The following ZNF580 variants were observed in gnomAD, a reference collection of about 807,000 sequenced individuals.
The protein encoded by ZNF580 is zinc finger protein 580, also known as LDL-induced EC protein.
In ZNF580, 1 loss-of-function variant was observed where a neutral mutation model predicts 1.3. That is an observed-to-expected ratio of 0.77 (90% CI 0.27 to 3.65). The LOEUF (loss-of-function observed/expected upper bound fraction) is 3.65. Ranked by LOEUF, ZNF580 falls within the 30% of genes most tolerant of loss-of-function variation. ZNF580 has a pLI of 0.19. For synonymous variants in ZNF580, 135 were observed against 128.8 expected (o/e 1.05, Z -0.32); for missense variants, 268 against 272.3 (o/e 0.98, Z 0.11).
In ZNF580 at chr19:55,642,540, C is replaced by A; in HGVS notation, c.32C>A (p.Pro11His). The A allele has an allele frequency of 1.4e-6, 2 of 1,444,636 alleles. No individual in the cohort carries two copies. The highest frequency in any genetic ancestry group is 1.8e-6 in the Non-Finnish European group (2 of 1,101,406). The allele number at this position is 1,444,636 out of a possible 1,614,324, so 89.5% of individuals were successfully genotyped here. Reference sequence around the variant, plus strand: ...CTGCTGCCGCCGCGGCCACCCCACCCTCGGTCCTCCTCTCCGGAGGCCATG... The same window carrying A: ...CTGCTGCCGCCGCGGCCACCCCACCATCGGTCCTCCTCTCCGGAGGCCATG... MLLLPPRPPH[P>H]RSSSPEAMDP... is the part of the protein sequence containing the mutation. Residue 11 changes from proline to histidine, a missense_variant, in exon 2 of 2, where the codon CCT (proline) becomes CAT (histidine). This residue lies in a region of ZNF580 where 225 missense variants were observed against 201.7 expected (regional missense o/e 1.12). Transcript: ENST00000325333.
Position 55,643,221 on chromosome 19 carries a change from C to A in ZNF580, c.*194C>A. 2.0e-6 allele frequency: 2 copies of A among 1,018,338 alleles called. No homozygotes were observed. The highest frequency in any genetic ancestry group is 2.6e-6 in the Non-Finnish European group (2 of 776,122). The allele number at this position is 1,018,338 out of a possible 1,614,324, so 63.1% of individuals were successfully genotyped here. A position where few individuals can be genotyped will look rare whatever the true frequency, so the allele number is the denominator to read the frequency against. ...CCCTTTCTAGCTGTGTGATGTAGAC[C>A]AAAGTCGTTGCCCCTCCCTGGGCCT... On this transcript the variant is annotated 3_prime_UTR_variant, in exon 2 of 2. Coordinates refer to ENST00000325333, the MANE Select transcript of ZNF580 (RefSeq NM_207115.2).
rs1269184039 is a variant in ZNF580 at position 55,642,067 on chromosome 19, G to T, written c.-12-430G>T. The T allele has an allele frequency of 7.1e-6, 7 of 988,002 alleles. No homozygotes were observed. The East Asian group carries it at 6.7e-4, about 95-fold the overall frequency. The allele number at this position is 988,002 out of a possible 1,614,324, so 61.2% of individuals were successfully genotyped here. A position where few individuals can be genotyped will look rare whatever the true frequency, so the allele number is the denominator to read the frequency against. ...GGGAGGGGAAGTAAACTGAACTGGG[G>T]CTGGGCAACAGGAAAAAAGAAGAAA... On this transcript the variant is annotated intron_variant, in intron 1 of 1. Coordinates refer to ENST00000325333, the MANE Select transcript of ZNF580 (RefSeq NM_207115.2).
chr19:55,642,010 C>T (rs1249865193), intron 1 of ZNF580: 30 of 828,874 alleles, frequency 3.6e-5, no homozygotes, highest in South Asian at 6.0e-5. Context: ...GAGGCCGATA[C>T]GGGGGCCGGT....
intron 1 of ZNF580, chr19:55,642,103 G>C (rs1222770832): frequency 4.0e-6 from 4 of 999,250 alleles, no homozygotes; most frequent in African/African-American, 1.7e-5. Flanking sequence ...CCACAGATTA[G>C]AGAAATCTCG....
chr19:55,642,958 C>T lies in ZNF580; in HGVS notation c.450C>T (p.His150=). The part of the protein sequence containing the change: ...ATHRARAGPP[H]TCPLCPRRFQ... ...ACCGCGCCCGCGCCGGGCCGCCGCA[C>T]ACCTGCCCGCTCTGCCCACGCCGCT... The change falls in exon 2 of 2, where the codon CAC becomes CAT. Residue 150 remains histidine (H), a synonymous_variant. Coordinates refer to ENST00000325333, the MANE Select transcript of ZNF580 (RefSeq NM_207115.2). The T allele has an allele frequency of 1.4e-6, 2 of 1,418,500 alleles. No homozygotes were observed. The highest frequency in any genetic ancestry group is 1.6e-5 in the South Asian group (1 of 64,240). 87.9% of individuals were successfully genotyped at this position (1,418,500 alleles called of 1,614,324 possible). A position where few individuals can be genotyped will look rare whatever the true frequency, so the allele number is the denominator to read the frequency against.
intron 1 of ZNF580, 119 bp downstream of exon 1, chr19:55,641,302 G>C: frequency 1.5e-6 from 1 of 655,936 alleles, no homozygotes; most frequent in Non-Finnish European, 1.9e-6. Flanking sequence ...CGGCAGGATC[G>C]GGCGGAGGGA....
rs1158032203 is a variant in ZNF580 at position 55,643,350 on chromosome 19, C to A, written c.*323C>A. On this transcript the variant is annotated 3_prime_UTR_variant, in exon 2 of 2. Coordinates refer to ENST00000325333, the MANE Select transcript of ZNF580 (RefSeq NM_207115.2). ...GTTTTCTGCTCTCTGGAGCGGTGAA[C>A]CGGTGGTTGTCTGCGGGGAAGAGAT... The A allele has an allele frequency of 5.9e-6, 2 of 339,126 alleles. No individual in the cohort carries two copies. Among genetic ancestry groups the A allele is most frequent in the African/African-American group, 2.1e-5 (1 of 46,846 alleles). 21.0% of individuals were successfully genotyped at this position (339,126 alleles called of 1,614,324 possible).
rs1982611209 is a variant in ZNF580, at chr19:55,642,868, C to G, written c.360C>G (p.Phe120Leu). 6.4e-7 allele frequency: 1 copy of G among 1,568,440 alleles called. No individual in the cohort carries two copies. Reference sequence around the variant, plus strand: ...TGTCGCACTCGGACCTCAAGCCCTTCACGTGCGGCGCCTGCGGCAAGGCCT... The same window carrying G: ...TGTCGCACTCGGACCTCAAGCCCTTGACGTGCGGCGCCTGCGGCAAGGCCT... ...HRVSHSDLKP[F>L]TCGACGKAFK... The change falls in exon 2 of 2, where the codon TTC becomes TTG. Residue 120 changes from phenylalanine to leucine, a missense_variant. Around this residue, in one of 2 missense-constraint regions of ZNF580, gnomAD observed 225 missense variants for 201.7 expected, o/e 1.12. Coordinates refer to ENST00000325333, the MANE Select transcript of ZNF580 (RefSeq NM_207115.2).
At chr19:55,641,345 G>A (rs1471780482) in intron 1 of ZNF580, among the ~76,000 whole-genome samples, 162 bp downstream of exon 1, 1 of 152,188 alleles carries the variant, frequency 6.6e-6, no homozygotes, top group East Asian at 1.9e-4. Flanking sequence ...AGGGCTCCTT[G>A]GGGAAGTGAA....
In ZNF580 at chr19:55,642,922, TCGCGCCA is replaced by T; in HGVS notation, c.418_424del (p.Ala140ThrfsTer49). 6.6e-7 allele frequency: 1 copy of T among 1,508,204 alleles called. No individual in the cohort carries two copies. Among genetic ancestry groups the T allele is most frequent in the Non-Finnish European group, 8.8e-7 (1 of 1,133,386 alleles). The allele number at this position is 1,508,204 out of a possible 1,614,324, so 93.4% of individuals were successfully genotyped here. ...AGCGCTCCAGCCACCTGTCGCGGCA[TCGCGCCA>T]CGCACCGCGCCCGCGCCGGGCCGCC... is the stretch of plus-strand genomic sequence containing the variant. On this transcript the variant is annotated frameshift_variant, in exon 2 of 2. Coordinates refer to ENST00000325333, the MANE Select transcript of ZNF580 (RefSeq NM_207115.2). LOFTEE classifies it low-confidence loss of function (END_TRUNC).
Position 55,641,030 on chromosome 19 carries a change from TCGCACCCC to T in ZNF580, c.-162_-155del, listed in dbSNP as rs1319950472. 1.0e-5 allele frequency: 10 copies of T among 984,864 alleles called. No homozygotes were observed. Among genetic ancestry groups the T allele is most frequent in the African/African-American group, 3.5e-5 (2 of 57,100 alleles). The allele number at this position is 984,864 out of a possible 1,614,324, so 61.0% of individuals were successfully genotyped here. ...TTTTCCCAGGGACTCCGCCAACCCC[TCGCACCCC>T]CGCGCCCCCAGTCCCCGCGTCCCCG... On this transcript the variant is annotated 5_prime_UTR_variant, in exon 1 of 2. Coordinates refer to ENST00000325333, the MANE Select transcript of ZNF580 (RefSeq NM_207115.2).
Position 55,642,736 on chromosome 19 carries a change from G to A in ZNF580, c.228G>A (p.Pro76=). 2.0e-6 allele frequency: 3 copies of A among 1,516,134 alleles called. No homozygotes were observed. Among genetic ancestry groups the A allele is most frequent in the East Asian group, 2.6e-5 (1 of 38,756 alleles). 93.9% of individuals were successfully genotyped at this position (1,516,134 alleles called of 1,614,324 possible). A position where few individuals can be genotyped will look rare whatever the true frequency, so the allele number is the denominator to read the frequency against. Residue 76 remains proline, a synonymous_variant, in exon 2 of 2, where the codon CCG becomes CCA. Transcript: ENST00000325333. ...TVQLEEEPRG[P]PQREAPPGEP... ...AGCTGGAGGAGGAGCCCCGGGGCCCGCCCCAGCGCGAGGCGCCCCCAGGAG... is the reference window on the plus strand; with the variant it reads ...AGCTGGAGGAGGAGCCCCGGGGCCCACCCCAGCGCGAGGCGCCCCCAGGAG...
At position 55,643,220 on chromosome 19, in the gene ZNF580, C is replaced by A; in HGVS notation, c.*193C>A. The A allele has an allele frequency of 2.9e-6, 3 of 1,040,114 alleles. No individual in the cohort carries two copies. In the South Asian group the frequency reaches 1.3e-4, roughly 45 times the overall value. The allele number at this position is 1,040,114 out of a possible 1,614,324, so 64.4% of individuals were successfully genotyped here. A position where few individuals can be genotyped will look rare whatever the true frequency, so the allele number is the denominator to read the frequency against. ...CCCCTTTCTAGCTGTGTGATGTAGA[C>A]CAAAGTCGTTGCCCCTCCCTGGGCC... On this transcript the variant is annotated 3_prime_UTR_variant, in exon 2 of 2. Transcript: ENST00000325333.
rs1176276730 is a variant in ZNF580 at position 55,642,509 on chromosome 19, ATGC to A, written c.11_13del (p.Leu4?). The A allele has an allele frequency of 9.7e-6, 14 of 1,437,914 alleles. No homozygotes were observed. Among genetic ancestry groups the A allele is most frequent in the Admixed American group, 2.8e-5 (1 of 35,382 alleles). 89.1% of individuals were successfully genotyped at this position (1,437,914 alleles called of 1,614,324 possible). ...CCGCCGCTCCCAGCTGCCGCTCCAG[ATGC>A]TGCTGCTGCCGCCGCGGCCACCCCA... On this transcript the variant is annotated start_lost and inframe_deletion, in exon 2 of 2. Coordinates refer to ENST00000325333, the MANE Select transcript of ZNF580 (RefSeq NM_207115.2).
chr19:55,641,228 G>A, intron 1 of ZNF580, 45 bp downstream of exon 1: 1 of 971,906 alleles, frequency 1.0e-6, no homozygotes, highest in Non-Finnish European at 1.2e-6. Context: ...CTGGGACGAC[G>A]CCGGGGCCAG....
chr19:55,642,610 C>T lies in ZNF580; in HGVS notation c.102C>T (p.Gly34=), dbSNP rs1982586222. The T allele has an allele frequency of 2.1e-6, 3 of 1,454,932 alleles. No individual in the cohort carries two copies. The highest frequency in any genetic ancestry group is 3.0e-5 in the African/African-American group (2 of 67,354). 90.1% of individuals were successfully genotyped at this position (1,454,932 alleles called of 1,614,324 possible). A position where few individuals can be genotyped will look rare whatever the true frequency, so the allele number is the denominator to read the frequency against. ...PKAPPFPKAE[G]PSSTPSSAAG... is the part of the protein sequence containing the mutation. ...CTCCCCCTTTCCCCAAGGCGGAAGG[C>T]CCCTCCTCCACTCCTTCCTCGGCGG... Residue 34 remains glycine (G), a synonymous_variant, in exon 2 of 2, where the codon GGC becomes GGT. Coordinates refer to ENST00000325333, the MANE Select transcript of ZNF580 (RefSeq NM_207115.2).
intron 1 of ZNF580, chr19:55,642,291 G>A (rs1982552258): frequency 1.6e-6 from 2 of 1,248,906 alleles, no homozygotes; most frequent in Non-Finnish European, 2.0e-6. Flanking sequence ...GCGGGGTTTT[G>A]CAGAGCTCAG....
intron 1 of ZNF580, chr19:55,641,752 G>C (rs3826757): frequency 0.055 from 8,433 of 151,950 alleles, 471 homozygotes; most frequent in East Asian, 0.29. Flanking sequence ...GGGGGGGCGG[G>C]GTATACAGAA....
Position 55,643,078 on chromosome 19 carries a change from G to T in ZNF580, c.*51G>T. The T allele has an allele frequency of 9.0e-6, 12 of 1,336,638 alleles. No homozygotes were observed. The highest frequency in any genetic ancestry group is 4.3e-5 in the South Asian group (2 of 47,012). The allele number at this position is 1,336,638 out of a possible 1,614,324, so 82.8% of individuals were successfully genotyped here. On this transcript the variant is annotated 3_prime_UTR_variant, in exon 2 of 2. Transcript: ENST00000325333. ...TGCCCGTCTCAGGGCCACCAAGTCTGACCCACACAGCGTCACTCACTCCCA... is the reference window on the plus strand; with the variant it reads ...TGCCCGTCTCAGGGCCACCAAGTCTTACCCACACAGCGTCACTCACTCCCA...
Sources: gnomAD v4.1 joint callset for allele counts (sites outside exome capture counted in the v4.1 genomes callset) on GRCh38, gnomAD v4.1.1 for gene constraint, gnomAD v4.1.1 regional missense constraint, MANE v1.5 for transcripts, NCBI Gene and HGNC (gene_info 2026-07-23, HGNC 2026-07-21) for gene names.